The following EFCAB6 variants were observed in gnomAD, a reference collection of about 807,000 sequenced individuals.
The protein encoded by EFCAB6 is EF-hand calcium-binding domain-containing protein 6.
In EFCAB6, 156 loss-of-function variants were observed where a neutral mutation model predicts 169.8. The observed-to-expected ratio is 0.92, with a 90% CI of 0.81 to 1.05. The LOEUF (loss-of-function observed/expected upper bound fraction) is 1.05, where lower values mean the gene tolerates loss of function less well. EFCAB6 is among the 50% of genes least tolerant of loss of function. The pLI, the probability that EFCAB6 is intolerant of heterozygous loss-of-function variation, is 0.00. For missense variants in EFCAB6, 1,800 were observed against 1,829.1 expected, an observed-to-expected ratio of 0.98 and a Z score of 0.29; for synonymous variants, 698 against 676.4, an observed-to-expected ratio of 1.03 and a Z score of -0.50.
chr22:43,797,436 C>T (rs536395331), intron 2 of EFCAB6: 1 of 152,680 alleles, frequency 6.5e-6, no homozygotes, highest in East Asian at 1.9e-4. Flanking sequence ...AGAATGGAGC[C>T]TTTGGGTTTG....
intron 3 of EFCAB6, among the ~76,000 whole-genome samples, chr22:43,778,176 T>G (rs1603360852): frequency 6.6e-6 from 1 of 152,060 alleles, no homozygotes; most frequent in Admixed American, 6.6e-5. Context: ...ACAGACAGGG[T>G]AGGAAGAAAA....
intron 17 of EFCAB6, among the ~76,000 whole-genome samples, chr22:43,665,256 G>A (rs1198870493): frequency 6.6e-6 from 1 of 152,096 alleles, no homozygotes; most frequent in Non-Finnish European, 1.5e-5. Flanking sequence ...GTTTATCAAT[G>A]GCAGGTACAA....
chr22:43,623,725 C>G (rs1237671715), intron 20 of EFCAB6, among the ~76,000 whole-genome samples: 7 of 134,002 alleles, frequency 5.2e-5, no homozygotes, highest in Non-Finnish European at 7.8e-5. Flanking sequence ...GAAACCCCGT[C>G]TCTACTAAAA....
At chr22:43,612,691 A>T (rs1380775846) in intron 21 of EFCAB6, among the ~76,000 whole-genome samples, 1 of 152,146 alleles carries the variant, frequency 6.6e-6, no homozygotes, top group Non-Finnish European at 1.5e-5. Flanking sequence ...CAGGAGTTCG[A>T]GACCAGCCTG....
intron 22 of EFCAB6, among the ~76,000 whole-genome samples, chr22:43,603,982 A>G (rs1272593569): frequency 6.6e-6 from 1 of 152,150 alleles, no homozygotes; most frequent in African/African-American, 2.4e-5. Flanking sequence ...TTGAGTTCTC[A>G]TGAGATCTGA....
At chr22:43,586,225 AT>A (rs1198218565) in intron 24 of EFCAB6, among the ~76,000 whole-genome samples, 1 of 152,066 alleles carries the variant, frequency 6.6e-6, no homozygotes, top group Non-Finnish European at 1.5e-5. Flanking sequence ...GAAGGGAGAA[AT>A]TGGAAATACC....
chr22:43,548,127 A>G (rs908022364), intron 27 of EFCAB6, among the ~76,000 whole-genome samples: 2 of 152,354 alleles, frequency 1.3e-5, no homozygotes, highest in African/African-American at 4.8e-5. Context: ...ACGATATAAA[A>G]GAGATGAGCA....
chr22:43,777,961 T>C (rs1173524602), intron 3 of EFCAB6, among the ~76,000 whole-genome samples: 2 of 152,168 alleles, frequency 1.3e-5, no homozygotes, highest in African/African-American at 2.4e-5. Flanking sequence ...GCTTAGGATA[T>C]AGAAAGTCAC....
Position 43,735,911 on chromosome 22 carries a change from A to C in EFCAB6, c.590T>G (p.Leu197Arg). The change falls in exon 7 of 32, where the codon CTA becomes CGA. Residue 197 changes from leucine (L) to arginine (R), a missense_variant. Physicochemically the swap from Leu to Arg is moderately radical, Grantham distance 102. Transcript: ENST00000262726. ...NKTGLVRPQE[L>R]RRVLETFCMK... ...ACAGAAGGTCTCCAGAACCCTTCTT[A>C]GCTCCTGCGGTCGAACCAGTCCAGT... The C allele has an allele frequency of 6.2e-7, 1 of 1,614,230 alleles. No individual in the cohort carries two copies. Among genetic ancestry groups the C allele is most frequent in the Non-Finnish European group, 8.5e-7 (1 of 1,180,038 alleles).
chr22:43,742,978 A>G (rs1227786997), intron 6 of EFCAB6, among the ~76,000 whole-genome samples: 1 of 152,224 alleles, frequency 6.6e-6, no homozygotes, highest in African/African-American at 2.4e-5. Flanking sequence ...GCAAGACAGA[A>G]AACTCTGAAG....
intron 5 of EFCAB6, among the ~76,000 whole-genome samples, chr22:43,758,046 C>CT (rs1269857293): frequency 2.0e-5 from 3 of 152,092 alleles, no homozygotes; most frequent in Non-Finnish European, 2.9e-5. Flanking sequence ...TAATTGAATC[C>CT]TTAAGTCTTA....
chr22:43,675,386 CTATAATATATAA>C (rs1321470674), intron 13 of EFCAB6, among the ~76,000 whole-genome samples: 1 of 47,844 alleles, frequency 2.1e-5, no homozygotes, highest in African/African-American at 6.4e-5. Flanking sequence ...CTATATTATA[CTATAATATATAA>C]TATAATATAG....
intron 20 of EFCAB6, 51 bp downstream of exon 20, chr22:43,626,396 G>T: frequency 6.4e-7 from 1 of 1,553,738 alleles, no homozygotes; most frequent in Non-Finnish European, 8.8e-7. Flanking sequence ...GGACGTCACA[G>T]TGGCACGGGC....
At chr22:43,587,299 A>C (rs1313434806) in intron 24 of EFCAB6, among the ~76,000 whole-genome samples, 2 of 152,158 alleles carry the variant, frequency 1.3e-5, no homozygotes, top group Admixed American at 1.3e-4. Context: ...CTTAATGAAA[A>C]GGGGAGGATT....
intron 20 of EFCAB6, among the ~76,000 whole-genome samples, chr22:43,620,864 C>T (rs539056079): frequency 9.5e-4 from 145 of 152,234 alleles, no homozygotes; most frequent in Non-Finnish European, 1.8e-3. Flanking sequence ...CTGAACAACA[C>T]TAATAACCAA....
At chr22:43,784,710 CACACACACAT>C (rs1245870737) in intron 2 of EFCAB6, among the ~76,000 whole-genome samples, 59 of 141,100 alleles carry the variant, frequency 4.2e-4, no homozygotes, top group Middle Eastern at 3.8e-3. Context: ...CACACACACA[CACACACACAT>C]ATATATATAT....
At chr22:43,654,250 T>C (rs1190987480) in intron 17 of EFCAB6, among the ~76,000 whole-genome samples, 1 of 152,304 alleles carries the variant, frequency 6.6e-6, no homozygotes, top group East Asian at 1.9e-4. Flanking sequence ...ACACCTGTTG[T>C]TGTGGCTTGA....
chr22:43,593,300 A>G (rs2051709681), intron 23 of EFCAB6, among the ~76,000 whole-genome samples: 1 of 152,186 alleles, frequency 6.6e-6, no homozygotes, highest in African/African-American at 2.4e-5. Flanking sequence ...TCTGAAATGC[A>G]TTGTGTCTTG....
chr22:43,726,781 G>T (rs2059753912), intron 8 of EFCAB6, among the ~76,000 whole-genome samples: 1 of 152,204 alleles, frequency 6.6e-6, no homozygotes, highest in Admixed American at 6.5e-5. Flanking sequence ...ACACCAAGCT[G>T]CCCCTCTAGG....
Sources: gnomAD v4.1 joint callset for allele counts (sites outside exome capture counted in the v4.1 genomes callset) on GRCh38, gnomAD v4.1.1 for gene constraint, MANE v1.5 for transcripts, NCBI Gene and HGNC (gene_info 2026-07-23, HGNC 2026-07-21) for gene names.